Variants in DNAI3 observed in about 807,000 individuals in gnomAD.
DNAI3 encodes dynein axonemal intermediate chain 3.
DNAI3 carries 83 observed loss-of-function variants against 115.5 expected under a neutral mutation model. The observed-to-expected ratio is 0.72, with a 90% confidence interval of 0.60 to 0.86. DNAI3 has a LOEUF of 0.86. DNAI3 is among the 40% of genes least tolerant of loss of function. The probability of loss-of-function intolerance (pLI) is 0.00; values close to 1 mark genes in which losing one functional copy is unlikely to be tolerated. For missense variants in DNAI3, 1,004 were observed against 1,075.8 expected (o/e 0.93, Z 0.93); for synonymous variants, 320 against 347.0 (o/e 0.92, Z 0.86).
rs187569406 is a variant in DNAI3 at position 85,131,426 on chromosome 1, A to G, written c.2532+1314A>G. Among the ~76,000 whole-genome samples the G allele has an allele frequency of 1.0e-4, 15 of 144,704 alleles. No individual in the cohort carries two copies. In the East Asian group the frequency reaches 2.5e-3, roughly 24 times the overall value. 94.9% of individuals were successfully genotyped at this position (144,704 alleles called of 152,430 possible). A position where few individuals can be genotyped will look rare whatever the true frequency, so the allele number is the denominator to read the frequency against. On this transcript the variant is annotated intron_variant, in intron 22 of 22. Coordinates refer to ENST00000294664, the MANE Select transcript of DNAI3 (RefSeq NM_145172.5). The stretch of plus-strand genomic sequence containing the variant: ...GCCATTGCACTCCATCCTGGGCAAC[A>G]AGAGCGAAACTCCATCTCAAAAAAA...
intron 18 of DNAI3, among the ~76,000 whole-genome samples, chr1:85,122,304 C>T (rs915005540): frequency 1.3e-5 from 2 of 152,128 alleles, no homozygotes; most frequent in Non-Finnish European, 2.9e-5. Context: ...TCCTTTGGGG[C>T]TAGGACAGGT....
intron 3 of DNAI3, 135 bp from the exon 4 acceptor site, chr1:85,081,099 A>C: frequency 1.2e-5 from 8 of 689,936 alleles, no homozygotes; most frequent in Non-Finnish European, 1.5e-5. Flanking sequence ...TATTTACTTT[A>C]AATACAGGAA....
intron 17 of DNAI3, among the ~76,000 whole-genome samples, chr1:85,118,771 T>C (rs1430792273): frequency 6.6e-6 from 1 of 151,958 alleles, no homozygotes; most frequent in African/African-American, 2.4e-5. Flanking sequence ...CCAACACCAG[T>C]CCAGAGGCCA....
At chr1:85,074,378 C>T (rs774550103) in intron 3 of DNAI3, among the ~76,000 whole-genome samples, 7 of 152,204 alleles carry the variant, frequency 4.6e-5, no homozygotes, top group Non-Finnish European at 1.0e-4. Context: ...GGCTCCTGTG[C>T]TCAAGTGGTC....
intron 16 of DNAI3, among the ~76,000 whole-genome samples, chr1:85,111,617 G>T (rs1655664963): frequency 6.6e-6 from 1 of 152,160 alleles, no homozygotes; most frequent in Non-Finnish European, 1.5e-5. Flanking sequence ...GGCTGAGAGA[G>T]GTTAATATAA....
chr1:85,112,839 G>A (rs1024318371), intron 16 of DNAI3, among the ~76,000 whole-genome samples: 1 of 152,104 alleles, frequency 6.6e-6, no homozygotes, highest in African/African-American at 2.4e-5. Flanking sequence ...GCATGGTCTC[G>A]GCACACTGCA....
intron 1 of DNAI3, among the ~76,000 whole-genome samples, chr1:85,066,383 C>T (rs1654097785): frequency 8.3e-6 from 1 of 120,888 alleles, no homozygotes; most frequent in Non-Finnish European, 1.6e-5. Flanking sequence ...AGTGCAGTGG[C>T]ATGACCTCGG....
intron 1 of DNAI3, among the ~76,000 whole-genome samples, chr1:85,068,993 C>T (rs1437227534): frequency 2.0e-5 from 3 of 152,174 alleles, no homozygotes; most frequent in Non-Finnish European, 4.4e-5. Context: ...AATAAGAAGA[C>T]TTGCAGCAGC....
Position 85,126,634 on chromosome 1 carries a change from C to T in DNAI3, c.2236C>T (p.Leu746=). ...EDGYIDIWDL[L]EKTHEPAQSQ... is the part of the protein sequence containing the mutation. ...TGGATACATTGATATCTGGGACCTT[C>T]TGGAGAAAACCCATGAACCAGCCCA... is the stretch of plus-strand genomic sequence containing the variant. Residue 746 remains leucine, a synonymous_variant, in exon 20 of 23, where the codon CTG becomes TTG. Transcript: ENST00000294664. 1 of 1,614,128 alleles carries T rather than the reference C, an allele frequency of 6.2e-7. No individual in the cohort carries two copies. The highest frequency in any genetic ancestry group is 8.5e-7 in the Non-Finnish European group (1 of 1,180,012).
chr1:85,095,282 G>A (rs1427381974), intron 10 of DNAI3, among the ~76,000 whole-genome samples: 3 of 152,044 alleles, frequency 2.0e-5, no homozygotes, highest in Non-Finnish European at 4.4e-5. Context: ...ATAATATTTT[G>A]TTTCTAAAAA....
chr1:85,081,629 G>T (rs1342546421), intron 4 of DNAI3, among the ~76,000 whole-genome samples: 1 of 152,022 alleles, frequency 6.6e-6, no homozygotes, highest in Non-Finnish European at 1.5e-5. Context: ...ACCCAGAAAA[G>T]CTCATCCTTG....
intron 5 of DNAI3, among the ~76,000 whole-genome samples, chr1:85,082,940 C>G (rs932144555): frequency 2.6e-5 from 4 of 152,112 alleles, no homozygotes; most frequent in Admixed American, 1.3e-4. Context: ...AGTTACTGAG[C>G]CTCTCATTGG....
intron 13 of DNAI3, among the ~76,000 whole-genome samples, chr1:85,103,823 G>T (rs1490596201): frequency 6.6e-6 from 1 of 151,302 alleles, no homozygotes; most frequent in African/African-American, 2.4e-5. Flanking sequence ...GGAGGCTGAG[G>T]TTGCAGTGAG....
intron 6 of DNAI3, among the ~76,000 whole-genome samples, chr1:85,084,946 G>T (rs1036672069): frequency 6.6e-6 from 1 of 152,170 alleles, no homozygotes; most frequent in Non-Finnish European, 1.5e-5. Context: ...TGAAAATAGG[G>T]TCATTGCAGG....
chr1:85,084,279 C>CAT (rs1654728862), intron 5 of DNAI3, among the ~76,000 whole-genome samples: 1 of 81,048 alleles, frequency 1.2e-5, no homozygotes, highest in Admixed American at 1.4e-4. Flanking sequence ...TATATATATA[C>CAT]ACATCCATAT....
chr1:85,062,748 G>A (rs1653966904), intron 1 of DNAI3, among the ~76,000 whole-genome samples: 1 of 152,130 alleles, frequency 6.6e-6, no homozygotes, highest in Non-Finnish European at 1.5e-5. Flanking sequence ...TATACCCAGT[G>A]ACTATCATAT....
intron 3 of DNAI3, among the ~76,000 whole-genome samples, chr1:85,080,021 G>C (rs7415384): frequency 6.6e-6 from 1 of 150,670 alleles, no homozygotes; most frequent in Admixed American, 6.7e-5. Context: ...AGGCTCAAGG[G>C]AAAGTTTCTT....
At chr1:85,098,402 T>A in intron 12 of DNAI3, 128 bp from the exon 13 acceptor site, 1 of 1,104,684 alleles carries the variant, frequency 9.1e-7, no homozygotes, top group Non-Finnish European at 1.3e-6. Context: ...AGAGAAACAC[T>A]AATTTATGTT....
In DNAI3 at chr1:85,073,097, G is replaced by A. The variant is rs371032377; in HGVS notation, c.103+5G>A. 5.2e-6 allele frequency: 8 copies of A among 1,535,442 alleles called. No homozygotes were observed. The highest frequency in any genetic ancestry group is 1.9e-5 in the Admixed American group (1 of 53,098). On this transcript the variant is annotated splice_donor_5th_base_variant and intron_variant, in intron 3 of 22. Coordinates refer to ENST00000294664, the MANE Select transcript of DNAI3 (RefSeq NM_145172.5). The stretch of plus-strand genomic sequence containing the variant: ...CAGTAAATATGGAGAGCATGGGTAA[G>A]TGGAAATATAATTTACAACTTACAT...
Sources: gnomAD v4.1 joint callset for allele counts (sites outside exome capture counted in the v4.1 genomes callset) on GRCh38, gnomAD v4.1.1 for gene constraint, MANE v1.5 for transcripts, NCBI Gene and HGNC (gene_info 2026-07-23, HGNC 2026-07-21) for gene names.